HYOU1: variants seen among roughly 807,000 people sequenced by gnomAD.
HYOU1 encodes hypoxia up-regulated 1.
Under a neutral mutation model 120.5 loss-of-function variants are expected in HYOU1, and 40 were observed. That is an observed-to-expected ratio of 0.33 (90% CI 0.26 to 0.43). The LOEUF (loss-of-function observed/expected upper bound fraction) is 0.43. HYOU1 is among the 20% of genes least tolerant of loss of function. HYOU1 has a pLI of 1.00. For missense variants in HYOU1, 1,085 were observed against 1,278.3 expected (o/e 0.85, Z 2.31); for synonymous variants, 501 against 479.4 (o/e 1.05, Z -0.59).
At chr11:119,046,210 C>T (rs1006658988) in intron 24 of HYOU1, among the ~76,000 whole-genome samples, 25 of 151,894 alleles carry the variant, frequency 1.6e-4, no homozygotes, top group Non-Finnish European at 2.9e-4. Flanking sequence ...AGGTGATCTA[C>T]CCGCCTCAGC....
rs1321277364 is a variant in HYOU1, at chr11:119,055,172, A to G, written c.419+13T>C. ...AGCGTTGCCGAGACCACCTTCCCCA[A>G]CAGAGCACTCACGAGCTGATCTGAA... is the stretch of plus-strand genomic sequence containing the variant. On this transcript the variant is annotated intron_variant, in intron 5 of 25. Coordinates refer to ENST00000617285, the MANE Select transcript of HYOU1 (RefSeq NM_006389.5). This position sits in a 1 kb window ranked among gnomAD's most constrained non-coding sequence, Gnocchi z 4.0. 3.1e-6 allele frequency: 5 copies of G among 1,612,012 alleles called. No homozygotes were observed. The highest frequency in any genetic ancestry group is 2.7e-5 in the African/African-American group (2 of 74,874).
rs150918294 is a variant in HYOU1 at position 119,055,311 on chromosome 11, C to T, written c.293G>A (p.Arg98His). ...MAIKNPKATL[R>H]YFQHLLGKQA... ...CTTCCCCAGGAGGTGCTGGAAGTAACGTAGCGTAGCCTTTGGATTCTTAAT... is the reference window on the plus strand; with the variant it reads ...CTTCCCCAGGAGGTGCTGGAAGTAATGTAGCGTAGCCTTTGGATTCTTAAT... Residue 98 changes from arginine to histidine, a missense_variant, in exon 5 of 26, where the codon CGT becomes CAT. Arg to His is a conservative substitution (Grantham distance 29). Transcript: ENST00000617285. This position sits in a 1 kb window ranked among gnomAD's most constrained non-coding sequence, Gnocchi z 4.0. 100 of 1,613,826 alleles carry T rather than the reference C, an allele frequency of 6.2e-5. No homozygotes were observed. The highest frequency in any genetic ancestry group is 8.1e-5 in the Non-Finnish European group (96 of 1,179,832).
rs112046848 is a variant in HYOU1 at position 119,054,448 on chromosome 11, T to C, written c.678+46A>G. 2.3e-5 allele frequency: 36 copies of C among 1,593,404 alleles called. No homozygotes were observed. In the African/African-American group the frequency reaches 2.4e-4, roughly 11 times the overall value. On this transcript the variant is annotated intron_variant, in intron 7 of 25. Coordinates refer to ENST00000617285, the MANE Select transcript of HYOU1 (RefSeq NM_006389.5). ...AAAGGGACCAAGTGGCCTCCATCCT[T>C]AGATTCAGTCACCCTGCATGTCTGG... is the stretch of plus-strand genomic sequence containing the variant.
In HYOU1 at chr11:119,055,998, C is replaced by T. The variant is rs1275885308; in HGVS notation, c.91+72G>A. The T allele has an allele frequency of 3.7e-5, 54 of 1,469,390 alleles. No homozygotes were observed. Among genetic ancestry groups the T allele is most frequent in the Non-Finnish European group, 5.1e-5 (53 of 1,048,556 alleles). 91.0% of individuals were successfully genotyped at this position (1,469,390 alleles called of 1,614,324 possible). A position where few individuals can be genotyped will look rare whatever the true frequency, so the allele number is the denominator to read the frequency against. On this transcript the variant is annotated intron_variant, in intron 2 of 25. Transcript: ENST00000617285. The surrounding 1 kb of genome is among the most constrained non-coding windows in gnomAD (Gnocchi z 4.0). Reference sequence around the variant, plus strand: ...ACTCAAGAGACTTCTGGCCAACAGCCCCAAGCTCAATTCCCATCATGCATC... The same window carrying T: ...ACTCAAGAGACTTCTGGCCAACAGCTCCAAGCTCAATTCCCATCATGCATC...
At position 119,048,116 on chromosome 11, in the gene HYOU1, G is replaced by A. The variant is rs1241258525; in HGVS notation, c.2377-36C>T. The A allele has an allele frequency of 6.2e-7, 1 of 1,613,282 alleles. No individual in the cohort carries two copies. Among genetic ancestry groups the A allele is most frequent in the African/African-American group, 1.3e-5 (1 of 75,040 alleles). ...TGCGATTGGGCAGAGGGGTGGAAGG[G>A]ACGACAGCAGAGCCTGGAGTCAGCC... On this transcript the variant is annotated intron_variant, in intron 20 of 25. Transcript: ENST00000617285. This position sits in a 1 kb window ranked among gnomAD's most constrained non-coding sequence, Gnocchi z 4.7.
At position 119,046,433 on chromosome 11, in the gene HYOU1, A is replaced by G; in HGVS notation, c.2871T>C (p.Pro957=). ...QTEDAEPISE[P]EKVETGSEPG... The stretch of plus-strand genomic sequence containing the variant: ...CCAACTCACCAGTCTCTACTTTCTC[A>G]GGTTCTGAAATGGGCTCTGCATCTT... The change falls in exon 24 of 26, where the codon CCT becomes CCC. Residue 957 remains proline (P), a synonymous_variant. Coordinates refer to ENST00000617285, the MANE Select transcript of HYOU1 (RefSeq NM_006389.5). 6.2e-7 allele frequency: 1 copy of G among 1,614,038 alleles called. No homozygotes were observed. The highest frequency in any genetic ancestry group is 8.5e-7 in the Non-Finnish European group (1 of 1,179,972).
At position 119,051,655 on chromosome 11, in the gene HYOU1, T is replaced by A. The variant is rs2133586898; in HGVS notation, c.1339-30A>T. On this transcript the variant is annotated intron_variant, in intron 12 of 25. Coordinates refer to ENST00000617285, the MANE Select transcript of HYOU1 (RefSeq NM_006389.5). The surrounding 1 kb of genome is among the most constrained non-coding windows in gnomAD (Gnocchi z 4.2). Reference sequence around the variant, plus strand: ...ACAGCAGGCAGACAGAGGCACACTGTTGCACACTAGAGAACCCGAGTAGGT... The same window carrying A: ...ACAGCAGGCAGACAGAGGCACACTGATGCACACTAGAGAACCCGAGTAGGT... 8.3e-5 allele frequency: 134 copies of A among 1,613,184 alleles called. No individual in the cohort carries two copies. The highest frequency in any genetic ancestry group is 1.1e-4 in the Non-Finnish European group (129 of 1,179,474).
Position 119,051,507 on chromosome 11 carries a change from C to T in HYOU1, c.1457G>A (p.Arg486His), listed in dbSNP as rs2133585535. ...GTGGAAGTTGAAATCATGGCTGTAG[C>T]GGTTAAAGGTGATGACTTTGCGTTG... is the stretch of plus-strand genomic sequence containing the variant. ...YPQRKVITFN[R>H]YSHDFNFHIN... The change falls in exon 13 of 26, where the codon CGC becomes CAC. Residue 486 changes from arginine to histidine, a missense_variant. Physicochemically the swap from Arg to His is conservative, Grantham distance 29 (BLOSUM62 0). This residue lies in a region of HYOU1 where 515 missense variants were observed against 677.8 expected (regional missense o/e 0.76). Transcript: ENST00000617285. This position sits in a 1 kb window ranked among gnomAD's most constrained non-coding sequence, Gnocchi z 4.2. 3.4e-5 allele frequency: 55 copies of T among 1,613,964 alleles called. No homozygotes were observed. Among genetic ancestry groups the T allele is most frequent in the South Asian group, 4.4e-5 (4 of 91,082 alleles).
Position 119,051,310 on chromosome 11 carries a change from G to A in HYOU1, c.1526+128C>T, listed in dbSNP as rs2133584119. On this transcript the variant is annotated intron_variant, in intron 13 of 25. Transcript: ENST00000617285. This position sits in a 1 kb window ranked among gnomAD's most constrained non-coding sequence, Gnocchi z 4.2. The stretch of plus-strand genomic sequence containing the variant: ...CAAGAGGACGGATGCATTCTCCAGC[G>A]AAGCTGATCATAGCTGCCCTGTTTC... 152 of 1,484,762 alleles carry A rather than the reference G, an allele frequency of 1.0e-4. No homozygotes were observed. Among genetic ancestry groups the A allele is most frequent in the Non-Finnish European group, 1.2e-4 (130 of 1,083,106 alleles). The allele number at this position is 1,484,762 out of a possible 1,614,324, so 92.0% of individuals were successfully genotyped here. A position where few individuals can be genotyped will look rare whatever the true frequency, so the allele number is the denominator to read the frequency against.
intron 22 of HYOU1, chr11:119,047,529 T>G: frequency 1.8e-6 from 1 of 547,764 alleles, no homozygotes; most frequent in Non-Finnish European, 3.3e-6. Flanking sequence ...GGGATGGGCT[T>G]TTTTGCTCCT....
Position 119,046,459 on chromosome 11 carries a change from C to T in HYOU1, c.2845G>A (p.Glu949Lys). The change falls in exon 24 of 26, where the codon GAA (glutamate) becomes AAA (lysine). Residue 949 changes from glutamate (E) to lysine (K), a missense_variant. Glu to Lys is a moderately conservative substitution (Grantham distance 56). This residue lies in a region of HYOU1 where 516 missense variants were observed against 517.1 expected (regional missense o/e 1.00). Coordinates refer to ENST00000617285, the MANE Select transcript of HYOU1 (RefSeq NM_006389.5). Reference protein sequence around the residue: ...EKVIPPAGQTEDAEPISEPEK... With the variant: ...EKVIPPAGQTKDAEPISEPEK... ...GGTTCTGAAATGGGCTCTGCATCTT[C>T]AGTCTGGCCTAGAAGGAAACCAGGG... 2 of 1,614,152 alleles carry T rather than the reference C, an allele frequency of 1.2e-6. No homozygotes were observed. Among genetic ancestry groups the T allele is most frequent in the Non-Finnish European group, 1.7e-6 (2 of 1,180,018 alleles).
chr11:119,046,388 C>G, intron 24 of HYOU1, 29 bp downstream of exon 24: 1 of 1,612,204 alleles, frequency 6.2e-7, no homozygotes, highest in Non-Finnish European at 8.5e-7. Context: ...GCAACATCCA[C>G]GTGCTCAACC....
chr11:119,048,338 C>T lies in HYOU1; in HGVS notation c.2286G>A (p.Val762=), dbSNP rs2133562992. The T allele has an allele frequency of 5.0e-6, 8 of 1,609,962 alleles. No homozygotes were observed. Among genetic ancestry groups the T allele is most frequent in the African/African-American group, 2.7e-5 (2 of 74,924 alleles). ...DKLYQPEYQE[V]STEEQREEIS... ...TCTCCTCACGCTGCTCCTCTGTGGA[C>T]ACTTCCTGGTACTCGGGCTGGTACA... Residue 762 remains valine (V), a synonymous_variant, in exon 20 of 26, where the codon GTG becomes GTA. Transcript: ENST00000617285. The surrounding 1 kb of genome is among the most constrained non-coding windows in gnomAD (Gnocchi z 4.7).
In HYOU1 at chr11:119,049,542, C is replaced by T. The variant is rs1371565404; in HGVS notation, c.1806+14G>A. 6.2e-7 allele frequency: 1 copy of T among 1,613,784 alleles called. No individual in the cohort carries two copies. On this transcript the variant is annotated intron_variant, in intron 16 of 25. Coordinates refer to ENST00000617285, the MANE Select transcript of HYOU1 (RefSeq NM_006389.5). ...ACCGTCCTCCATGCTTCCCTGGCTC[C>T]ATCCTGAACTCACCTGGACAGTATC...
At position 119,055,117 on chromosome 11, in the gene HYOU1, T is replaced by C. The variant is rs1472389654; in HGVS notation, c.420-57A>G. 1.2e-6 allele frequency: 2 copies of C among 1,613,144 alleles called. No individual in the cohort carries two copies. Among genetic ancestry groups the C allele is most frequent in the African/African-American group, 1.3e-5 (1 of 74,822 alleles). On this transcript the variant is annotated intron_variant, in intron 5 of 25. Transcript: ENST00000617285. This position sits in a 1 kb window ranked among gnomAD's most constrained non-coding sequence, Gnocchi z 4.0. ...AAAGCCAGGCATTAAGGCAGGACAA[T>C]CAGGAACACACACCAATGAGGAGCC...
At position 119,054,577 on chromosome 11, in the gene HYOU1, C is replaced by G. The variant is rs2133605944; in HGVS notation, c.595G>C (p.Val199Leu). ...GTGTTGTCATTGATGAGCTGCAGCA[C>G]TTTGAGGCCAGCCATACGAGCAGCC... ...LQAARMAGLKVLQLINDNTAT... is the reference protein window; with the variant it reads ...LQAARMAGLKLLQLINDNTAT... Residue 199 changes from valine to leucine, a missense_variant, in exon 7 of 26, where the codon GTG (valine) becomes CTG (leucine). Val to Leu is a conservative substitution (Grantham distance 32). Transcript: ENST00000617285. 1 of 1,614,188 alleles carries G rather than the reference C, an allele frequency of 6.2e-7. No homozygotes were observed. Among genetic ancestry groups the G allele is most frequent in the East Asian group, 2.2e-5 (1 of 44,884 alleles).
At position 119,052,990 on chromosome 11, in the gene HYOU1, T is replaced by C; in HGVS notation, c.795-161A>G. ...GACACACACTCTGCCCTCAACTCTCTACAGCACAGCTGACACCTCGCAGTG... is the reference window on the plus strand; with the variant it reads ...GACACACACTCTGCCCTCAACTCTCCACAGCACAGCTGACACCTCGCAGTG... On this transcript the variant is annotated intron_variant, in intron 8 of 25. Coordinates refer to ENST00000617285, the MANE Select transcript of HYOU1 (RefSeq NM_006389.5). The surrounding 1 kb of genome is among the most constrained non-coding windows in gnomAD (Gnocchi z 5.0). 1 of 638,102 alleles carries C rather than the reference T, an allele frequency of 1.6e-6. No homozygotes were observed. The highest frequency in any genetic ancestry group is 2.0e-5 in the South Asian group (1 of 49,510). The allele number at this position is 638,102 out of a possible 1,614,324, so 39.5% of individuals were successfully genotyped here. A position where few individuals can be genotyped will look rare whatever the true frequency, so the allele number is the denominator to read the frequency against.
chr11:119,051,674 A>C lies in HYOU1; in HGVS notation c.1339-49T>G, dbSNP rs2133587156. On this transcript the variant is annotated intron_variant, in intron 12 of 25. Transcript: ENST00000617285. The surrounding 1 kb of genome is among the most constrained non-coding windows in gnomAD (Gnocchi z 4.2). The stretch of plus-strand genomic sequence containing the variant: ...ACACTGTTGCACACTAGAGAACCCG[A>C]GTAGGTTCTGGGGTAAGGATGGGGG... The C allele has an allele frequency of 2.5e-6, 4 of 1,593,974 alleles. No homozygotes were observed. Among genetic ancestry groups the C allele is most frequent in the East Asian group, 4.5e-5 (2 of 44,742 alleles).
rs2133587708 is a variant in HYOU1, at chr11:119,051,776, G to A, written c.1338+43C>T. On this transcript the variant is annotated intron_variant, in intron 12 of 25. Transcript: ENST00000617285. This position sits in a 1 kb window ranked among gnomAD's most constrained non-coding sequence, Gnocchi z 4.2. ...ACAGAAGGGGAAACCCTACTTGGGA[G>A]AGGTAAAGGGAGCTTGTCACCTGCT... 1.9e-6 allele frequency: 3 copies of A among 1,610,024 alleles called. No individual in the cohort carries two copies. The highest frequency in any genetic ancestry group is 2.2e-5 in the East Asian group (1 of 44,746).
Sources: gnomAD v4.1 joint callset for allele counts (sites outside exome capture counted in the v4.1 genomes callset) on GRCh38, gnomAD v4.1.1 for gene constraint, gnomAD v4.1.1 regional missense constraint, Gnocchi (gnomAD v3.1) non-coding constraint, MANE v1.5 for transcripts, NCBI Gene and HGNC (gene_info 2026-07-23, HGNC 2026-07-21) for gene names.